The following COL10A1 variants were observed in gnomAD, a reference collection of about 807,000 sequenced individuals.
COL10A1 encodes collagen alpha-1(X) chain.
Under a neutral mutation model 18.2 loss-of-function variants are expected in COL10A1, and 10 were observed. That is an observed-to-expected ratio of 0.55 (90% CI 0.34 to 0.93). The LOEUF is 0.93. Among genes scored for constraint, COL10A1 ranks in the 40% least tolerant of loss-of-function variants. COL10A1 has a pLI of 0.02. For missense variants in COL10A1, 897 were observed against 853.5 expected (o/e 1.05, Z -0.64); for synonymous variants, 330 against 316.6 (o/e 1.04, Z -0.45).
the COL10A1 span, among the ~76,000 whole-genome samples, chr6:116,182,082 C>T: frequency 6.6e-6 from 1 of 152,028 alleles, no homozygotes; most frequent in African/African-American, 2.4e-5. Context: ...TTTGTGTCTT[C>T]ATAGCTTAGA....
chr6:116,150,269 T>A (rs940709628), intron 1 of COL10A1, among the ~76,000 whole-genome samples: 1 of 151,992 alleles, frequency 6.6e-6, no homozygotes, highest in Non-Finnish European at 1.5e-5. Context: ...GAAAATGGTT[T>A]TTTTTTTATT....
intron 1 of COL10A1, among the ~76,000 whole-genome samples, chr6:116,156,922 C>T (rs775755832): frequency 2.0e-4 from 31 of 152,224 alleles, no homozygotes; most frequent in Non-Finnish European, 3.1e-4. Context: ...GTAAGTAGCC[C>T]CTGGTGCATT....
At chr6:116,200,510 T>C in the COL10A1 span, among the ~76,000 whole-genome samples, 1 of 152,074 alleles carries the variant, frequency 6.6e-6, no homozygotes, top group Non-Finnish European at 1.5e-5. Flanking sequence ...CTCTGGACTA[T>C]CTTTGTAATT....
the COL10A1 span, among the ~76,000 whole-genome samples, chr6:116,209,171 T>C: frequency 6.6e-6 from 1 of 152,138 alleles, no homozygotes; most frequent in East Asian, 1.9e-4. Context: ...CATATCAGGA[T>C]TCAGCAAACC....
chr6:116,181,517 A>G, the COL10A1 span, among the ~76,000 whole-genome samples: 1 of 152,124 alleles, frequency 6.6e-6, no homozygotes, highest in Non-Finnish European at 1.5e-5. Context: ...TAATCCCATT[A>G]TAGGATATCT....
chr6:116,178,091 G>A, the COL10A1 span, among the ~76,000 whole-genome samples: 14 of 52,252 alleles, frequency 2.7e-4, 1 homozygote, highest in African/African-American at 1.2e-3. Context: ...GTGTGTGTGC[G>A]CGCGCGCGCG....
intron 1 of COL10A1, among the ~76,000 whole-genome samples, chr6:116,138,638 A>G (rs983448701): frequency 6.6e-6 from 1 of 152,202 alleles, no homozygotes; most frequent in African/African-American, 2.4e-5. Flanking sequence ...ATGGCTTGTT[A>G]TAATGATTAA....
the COL10A1 span, among the ~76,000 whole-genome samples, chr6:116,184,124 T>C: frequency 1.9e-3 from 282 of 152,232 alleles, 1 homozygote; most frequent in African/African-American, 5.9e-3. Flanking sequence ...TGCTGGATCT[T>C]GTCAGCTGCC....
At chr6:116,185,767 A>T in the COL10A1 span, among the ~76,000 whole-genome samples, 3 of 152,020 alleles carry the variant, frequency 2.0e-5, no homozygotes, top group Non-Finnish European at 4.4e-5. Context: ...CTTATGTGTC[A>T]GGTGAGTCTC....
At position 116,121,241 on chromosome 6, in the gene COL10A1, G is replaced by GGCCCAGCTATTCCTGGA. The variant is rs762320043; in HGVS notation, c.858_874dup (p.Pro292LeufsTer4). 8 of 1,613,782 alleles carry GGCCCAGCTATTCCTGGA rather than the reference G, an allele frequency of 5.0e-6. No individual in the cohort carries two copies. Among genetic ancestry groups the GGCCCAGCTATTCCTGGA allele is most frequent in the Non-Finnish European group, 6.8e-6 (8 of 1,179,876 alleles). ...TTTCCCAAAGCCAGGAGGCCCTGGG[G>GGCCCAGCTATTCCTGGA]GCCCAGCTATTCCTGGAGCCCCAGG... On this transcript the variant is annotated stop_gained and frameshift_variant, in exon 3 of 3. Coordinates refer to ENST00000651968, the MANE Select transcript of COL10A1 (RefSeq NM_000493.4). LOFTEE classifies it high-confidence loss of function.
chr6:116,192,365 T>C, the COL10A1 span, among the ~76,000 whole-genome samples: 1 of 152,036 alleles, frequency 6.6e-6, no homozygotes, highest in Non-Finnish European at 1.5e-5. Flanking sequence ...TTGGGTATAC[T>C]CGAATATTCT....
chr6:116,123,137 A>C (rs953506214), intron 2 of COL10A1, among the ~76,000 whole-genome samples: 1 of 152,196 alleles, frequency 6.6e-6, no homozygotes, highest in Non-Finnish European at 1.5e-5. Context: ...TCTGATTATA[A>C]GGGTCATGTT....
chr6:116,165,591 A>T, the COL10A1 span, among the ~76,000 whole-genome samples: 1 of 152,312 alleles, frequency 6.6e-6, no homozygotes, highest in South Asian at 2.1e-4. Flanking sequence ...CCTCTCCTAC[A>T]TCCACAACAG....
At chr6:116,131,662 C>T (rs765783156) in intron 1 of COL10A1, among the ~76,000 whole-genome samples, 1 of 152,154 alleles carries the variant, frequency 6.6e-6, no homozygotes, top group East Asian at 1.9e-4. Flanking sequence ...CTGTCTTTTG[C>T]CAATACAAAT....
intron 2 of COL10A1, among the ~76,000 whole-genome samples, chr6:116,123,505 C>T (rs1236477908): frequency 1.3e-5 from 2 of 152,244 alleles, no homozygotes; most frequent in Non-Finnish European, 2.9e-5. Context: ...GAATGTGGCA[C>T]GTGCATCTGC....
At chr6:116,159,574 G>A (rs79490239), upstream of COL10A1, among the ~76,000 whole-genome samples, 5,892 of 152,234 alleles carry the variant, frequency 0.039, 157 homozygotes, top group South Asian at 0.072. Flanking sequence ...TGTAGCTATA[G>A]CCTGTAATTT....
chr6:116,183,095 T>C, the COL10A1 span, among the ~76,000 whole-genome samples: 1 of 152,168 alleles, frequency 6.6e-6, no homozygotes, highest in Non-Finnish European at 1.5e-5. Context: ...TACATGTGGC[T>C]TGTCAGTTGT....
At position 116,121,277 on chromosome 6, in the gene COL10A1, G is replaced by C. The variant is rs370578053; in HGVS notation, c.839C>G (p.Thr280Arg). Residue 280 changes from threonine to arginine, a missense_variant, in exon 3 of 3, where the codon ACA becomes AGA. Thr to Arg is a moderately conservative substitution (Grantham distance 71). Coordinates refer to ENST00000651968, the MANE Select transcript of COL10A1 (RefSeq NM_000493.4). ...TCCTGGAGCCCCAGGGAGACCTTTT[G>C]TTCCTGGAATCCCTGGCTGGCCTGG... ...GAPGQPGIPG[T>R]KGLPGAPGIA... 145 of 1,613,834 alleles carry C rather than the reference G, an allele frequency of 9.0e-5. No individual in the cohort carries two copies. Among genetic ancestry groups the C allele is most frequent in the Non-Finnish European group, 1.2e-4 (141 of 1,179,952 alleles).
chr6:116,191,987 A>G, the COL10A1 span, among the ~76,000 whole-genome samples: 1 of 152,064 alleles, frequency 6.6e-6, no homozygotes, highest in Non-Finnish European at 1.5e-5. Flanking sequence ...AATTACGAGC[A>G]AACATGAGGA....
Sources: gnomAD v4.1 joint callset for allele counts (sites outside exome capture counted in the v4.1 genomes callset) on GRCh38, gnomAD v4.1.1 for gene constraint, MANE v1.5 for transcripts, NCBI Gene and HGNC (gene_info 2026-07-23, HGNC 2026-07-21) for gene names.